Variants in DYNC2LI1 observed in about 807,000 individuals in gnomAD.
DYNC2LI1 encodes the protein dynein cytoplasmic 2 light intermediate chain 1.
DYNC2LI1 carries 45 observed loss-of-function variants against 51.9 expected under a neutral mutation model. The observed-to-expected ratio is 0.87, with a 90% CI of 0.68 to 1.11. The LOEUF (loss-of-function observed/expected upper bound fraction) is 1.11. DYNC2LI1 is among the 50% of genes most tolerant of loss of function. The probability of loss-of-function intolerance (pLI) is 0.00; values close to 1 mark genes in which losing one functional copy is unlikely to be tolerated. For missense variants in DYNC2LI1, 490 were observed against 417.4 expected, an observed-to-expected ratio of 1.17 and a Z score of -1.51; for synonymous variants, 130 against 137.8, an observed-to-expected ratio of 0.94 and a Z score of 0.40.
At chr2:43,790,038 C>T (rs3792021) in intron 5 of DYNC2LI1, among the ~76,000 whole-genome samples, 21,836 of 152,090 alleles carry the variant, frequency 0.14, 2,116 homozygotes, top group African/African-American at 0.26. Flanking sequence ...TTTGAAAAGC[C>T]TAATTCTTTC....
chr2:43,826,500 G>GGTCAT, the DYNC2LI1 span: 1 of 1,614,204 alleles, frequency 6.2e-7, no homozygotes, highest in South Asian at 1.1e-5. Flanking sequence ...GCCTGTGGTT[G>GGTCAT]GCTCATCAAA....
chr2:43,805,166 C>G lies in DYNC2LI1; in HGVS notation c.913C>G (p.Leu305Val). The change falls in exon 12 of 13, where the codon CTG (leucine) becomes GTG (valine). Residue 305 changes from leucine to valine, a missense_variant. Transcript: ENST00000260605. ...KLFPPKSINT[L>V]KDIKDPARDP... ...TTTGTAATTTCAGAGTATTAACACG[C>G]TGAAAGATATCAAGGACCCTGCGAG... The G allele has an allele frequency of 1.2e-6, 2 of 1,609,102 alleles. No homozygotes were observed. Among genetic ancestry groups the G allele is most frequent in the Non-Finnish European group, 1.7e-6 (2 of 1,176,738 alleles).
At chr2:43,794,370 G>T (rs1673932401) in intron 5 of DYNC2LI1, 87 bp from the exon 6 acceptor site, 3 of 1,339,746 alleles carry the variant, frequency 2.2e-6, no homozygotes, top group Non-Finnish European at 3.0e-6. Flanking sequence ...GTATATTTTA[G>T]TTATTCTTAG....
intron 2 of DYNC2LI1, among the ~76,000 whole-genome samples, chr2:43,777,700 T>C (rs1233482627): frequency 1.3e-5 from 2 of 152,234 alleles, no homozygotes; most frequent in Admixed American, 1.3e-4. Flanking sequence ...CAGGGCTACG[T>C]GTTCACTGGG....
chr2:43,787,473 A>G (rs1446703918), intron 4 of DYNC2LI1, among the ~76,000 whole-genome samples: 2 of 152,238 alleles, frequency 1.3e-5, no homozygotes, highest in Admixed American at 6.5e-5. Context: ...AAATGCTAGA[A>G]TAAGATACCT....
intron 5 of DYNC2LI1, chr2:43,792,726 C>T (rs758390275): frequency 6.5e-7 from 1 of 1,548,482 alleles, no homozygotes; most frequent in South Asian, 1.2e-5. Context: ...TTGACCACTC[C>T]AGTACCTCAT....
intron 1 of DYNC2LI1, 71 bp downstream of exon 1, chr2:43,774,217 G>T: frequency 6.3e-7 from 1 of 1,596,958 alleles, no homozygotes; most frequent in South Asian, 1.1e-5. Context: ...GCCCAGGCGG[G>T]ACCAGCTGTT....
At chr2:43,825,012 C>A in the DYNC2LI1 span, 1 of 1,613,662 alleles carries the variant, frequency 6.2e-7, no homozygotes, top group South Asian at 1.1e-5. Context: ...GCAATTTTGT[C>A]AAAGAGCTGA....
chr2:43,774,039 A>T lies in DYNC2LI1; in HGVS notation c.-100A>T, dbSNP rs1200651455. On this transcript the variant is annotated 5_prime_UTR_variant, in exon 1 of 13. Coordinates refer to ENST00000260605, the MANE Select transcript of DYNC2LI1 (RefSeq NM_016008.4). ...CGCGACGTCGCTCCCATGGCAACCC[A>T]GAAGGCCTCACTCCCAGACTCCTTG... is the stretch of plus-strand genomic sequence containing the variant. 8 of 1,528,940 alleles carry T rather than the reference A, an allele frequency of 5.2e-6. No homozygotes were observed. The highest frequency in any genetic ancestry group is 2.7e-5 in the African/African-American group (2 of 72,944). The allele number at this position is 1,528,940 out of a possible 1,614,324, so 94.7% of individuals were successfully genotyped here.
downstream of DYNC2LI1, among the ~76,000 whole-genome samples, chr2:43,814,026 T>C (rs1666659900): frequency 6.6e-6 from 1 of 152,124 alleles, no homozygotes; most frequent in South Asian, 2.1e-4. Context: ...ACCCTGAGAT[T>C]TCTAATGGCC....
chr2:43,776,639 A>C, intron 1 of DYNC2LI1, 143 bp from the exon 2 acceptor site: 1 of 537,802 alleles, frequency 1.9e-6, no homozygotes, highest in Non-Finnish European at 3.3e-6. Context: ...TAATCCTCAG[A>C]TGTTTTACCA....
the DYNC2LI1 span, among the ~76,000 whole-genome samples, chr2:43,817,851 A>G: frequency 6.6e-6 from 1 of 152,002 alleles, no homozygotes; most frequent in Admixed American, 6.6e-5. Context: ...CGGAGGTTAC[A>G]GTGAGCCGAG....
the DYNC2LI1 span, chr2:43,824,211 C>T: frequency 6.2e-7 from 1 of 1,614,092 alleles, no homozygotes; most frequent in African/African-American, 1.3e-5. Flanking sequence ...CATTTGTGAG[C>T]CTCTTACCTC....
the DYNC2LI1 span, among the ~76,000 whole-genome samples, chr2:43,818,967 G>A: frequency 6.6e-6 from 1 of 152,264 alleles, no homozygotes; most frequent in African/African-American, 2.4e-5. Context: ...CTCTCTCCAC[G>A]AAGTCACGTG....
At chr2:43,797,023 A>T (rs544225189) in intron 8 of DYNC2LI1, among the ~76,000 whole-genome samples, 2 of 152,352 alleles carry the variant, frequency 1.3e-5, no homozygotes, top group African/African-American at 4.8e-5. Flanking sequence ...TAAATTGCTT[A>T]TATCCATAAA....
At chr2:43,774,603 C>A (rs544390847) in intron 1 of DYNC2LI1, among the ~76,000 whole-genome samples, 1 of 152,286 alleles carries the variant, frequency 6.6e-6, no homozygotes, top group South Asian at 2.1e-4. Flanking sequence ...TATATTCTAG[C>A]TGTTCAATTC....
chr2:43,779,111 T>C (rs1673159840), intron 2 of DYNC2LI1, among the ~76,000 whole-genome samples: 1 of 151,930 alleles, frequency 6.6e-6, no homozygotes, highest in African/African-American at 2.4e-5. Flanking sequence ...ATAAAACAAT[T>C]AGCCGGGTGT....
chr2:43,824,557 A>T, the DYNC2LI1 span: 1 of 1,577,438 alleles, frequency 6.3e-7, no homozygotes, highest in Non-Finnish European at 8.6e-7. Flanking sequence ...TTTGTGGTTA[A>T]TGCCCACCTA....
In DYNC2LI1 at chr2:43,794,956, C is replaced by A. The variant is rs1673965819; in HGVS notation, c.507+313C>A. On this transcript the variant is annotated intron_variant, in intron 6 of 12. Coordinates refer to ENST00000260605, the MANE Select transcript of DYNC2LI1 (RefSeq NM_016008.4). ...TCTCTGTAAAAATGAAGATAAAAAGCCAGATTGTACAAAAGTCACCTGACA... is the reference window on the plus strand; with the variant it reads ...TCTCTGTAAAAATGAAGATAAAAAGACAGATTGTACAAAAGTCACCTGACA... The A allele has an allele frequency of 7.1e-6, 9 of 1,267,674 alleles. No homozygotes were observed. In the South Asian group the frequency reaches 1.8e-4, roughly 25 times the overall value. The allele number at this position is 1,267,674 out of a possible 1,614,324, so 78.5% of individuals were successfully genotyped here.
Sources: allele counts gnomAD v4.1 joint callset (sites outside exome capture counted in the v4.1 genomes callset), GRCh38; gene constraint gnomAD v4.1.1; transcripts MANE v1.5; gene names NCBI Gene and HGNC (gene_info 2026-07-23, HGNC 2026-07-21).